Variants in ZC3H14 observed in about 807,000 individuals in gnomAD.
ZC3H14 encodes zinc finger CCCH domain-containing protein 14.
In ZC3H14, 31 loss-of-function variants were observed where a neutral mutation model predicts 92.4. The observed-to-expected ratio is 0.34, with a 90% CI of 0.25 to 0.45. The LOEUF (loss-of-function observed/expected upper bound fraction) is 0.45. ZC3H14 is among the 20% of genes least tolerant of loss of function. ZC3H14 has a pLI of 1.00. For synonymous variants in ZC3H14, 321 were observed against 300.9 expected, an observed-to-expected ratio of 1.07 and a Z score of -0.69; for missense variants, 781 against 897.3, an observed-to-expected ratio of 0.87 and a Z score of 1.66.
intron 9 of ZC3H14, among the ~76,000 whole-genome samples, chr14:88,579,587 A>G (rs962746565): frequency 3.9e-5 from 6 of 152,228 alleles, no homozygotes; most frequent in Non-Finnish European, 7.3e-5. Context: ...GAGAAAAGGA[A>G]AGAATGTCAG....
In ZC3H14 at chr14:88,616,067, G is replaced by A; in HGVS notation, c.*4316G>A. 1 of 1,495,990 alleles carries A rather than the reference G, an allele frequency of 6.7e-7. No homozygotes were observed. Among genetic ancestry groups the A allele is most frequent in the Non-Finnish European group, 9.3e-7 (1 of 1,074,994 alleles). The allele number at this position is 1,495,990 out of a possible 1,614,324, so 92.7% of individuals were successfully genotyped here. A position where few individuals can be genotyped will look rare whatever the true frequency, so the allele number is the denominator to read the frequency against. ...TGACTAGCTGATTTCATAAACCAAA[G>A]CTGTAGGAGTTGTTGTATTAAGTCT... is the stretch of plus-strand genomic sequence containing the variant. On this transcript the variant is annotated 3_prime_UTR_variant, in exon 17 of 17. Transcript: ENST00000251038.
At position 88,624,882 on chromosome 14, in the gene ZC3H14, G is replaced by A. The variant is rs965663639; in HGVS notation, c.*13131G>A. ...AGGAAGGTCGGAGAGGACACTCTGT[G>A]TAGCCTAGAAACAACTAGAATAATT... On this transcript the variant is annotated 3_prime_UTR_variant, in exon 17 of 17. Coordinates refer to ENST00000251038, the MANE Select transcript of ZC3H14 (RefSeq NM_024824.5). 9 of 1,467,456 alleles carry A rather than the reference G, an allele frequency of 6.1e-6. No individual in the cohort carries two copies. Among genetic ancestry groups the A allele is most frequent in the Non-Finnish European group, 8.3e-6 (9 of 1,083,068 alleles). 90.9% of individuals were successfully genotyped at this position (1,467,456 alleles called of 1,614,324 possible).
intron 5 of ZC3H14, 113 bp from the exon 6 acceptor site, chr14:88,572,465 A>G: frequency 1.5e-6 from 2 of 1,356,448 alleles, no homozygotes; most frequent in Non-Finnish European, 2.1e-6. Context: ...TGGAATATGT[A>G]AAGGGAGTAT....
Position 88,617,026 on chromosome 14 carries a change from C to G in ZC3H14, c.*5275C>G. ...AAATTATGGTAAGTTGTTTGGAGAC[C>G]TGAATTTCATCAGGATATCAACTCC... On this transcript the variant is annotated 3_prime_UTR_variant, in exon 17 of 17. Coordinates refer to ENST00000251038, the MANE Select transcript of ZC3H14 (RefSeq NM_024824.5). 1.6e-6 allele frequency: 1 copy of G among 606,872 alleles called. No homozygotes were observed. Among genetic ancestry groups the G allele is most frequent in the Admixed American group, 3.1e-5 (1 of 32,136 alleles). The allele number at this position is 606,872 out of a possible 1,614,324, so 37.6% of individuals were successfully genotyped here.
In ZC3H14 at chr14:88,616,330, A is replaced by C; in HGVS notation, c.*4579A>C. ...TAGGAACTATAATCTCTATGACAAG[A>C]GCTGTGGAGAGAGTAGGGAGTTAGC... On this transcript the variant is annotated 3_prime_UTR_variant, in exon 17 of 17. Transcript: ENST00000251038. 1 of 1,278,778 alleles carries C rather than the reference A, an allele frequency of 7.8e-7. No homozygotes were observed. Among genetic ancestry groups the C allele is most frequent in the South Asian group, 1.2e-5 (1 of 81,720 alleles). The allele number at this position is 1,278,778 out of a possible 1,614,324, so 79.2% of individuals were successfully genotyped here.
intron 2 of ZC3H14, 122 bp downstream of exon 2, chr14:88,563,815 A>G (rs982979542): frequency 3.2e-6 from 3 of 946,828 alleles, no homozygotes; most frequent in Non-Finnish European, 5.1e-6. Flanking sequence ...TACCTTCTTC[A>G]AATCTTATAC....
In ZC3H14 at chr14:88,618,053, G is replaced by T; in HGVS notation, c.*6302G>T. ...AAATCATGGAAACTGATAAAACATG[G>T]AAATATATTCAATAAAAAGGGGTCC... On this transcript the variant is annotated 3_prime_UTR_variant, in exon 17 of 17. Transcript: ENST00000251038. The T allele has an allele frequency of 2.4e-6, 1 of 421,462 alleles. No homozygotes were observed. Among genetic ancestry groups the T allele is most frequent in the Non-Finnish European group, 4.1e-6 (1 of 241,066 alleles). 26.1% of individuals were successfully genotyped at this position (421,462 alleles called of 1,614,324 possible). A position where few individuals can be genotyped will look rare whatever the true frequency, so the allele number is the denominator to read the frequency against.
intron 2 of ZC3H14, among the ~76,000 whole-genome samples, chr14:88,565,447 A>G (rs1473900398): frequency 2.6e-5 from 4 of 152,122 alleles, no homozygotes; most frequent in Admixed American, 1.3e-4. Flanking sequence ...GGCCAACTCA[A>G]TGGCGATATT....
intron 10 of ZC3H14, among the ~76,000 whole-genome samples, chr14:88,600,620 TA>T (rs1159148031): frequency 1.3e-5 from 2 of 152,100 alleles, no homozygotes; most frequent in Admixed American, 6.5e-5. Flanking sequence ...TTTATTTATT[TA>T]TTTATTTTCT....
At position 88,622,577 on chromosome 14, in the gene ZC3H14, A is replaced by ACTTT; in HGVS notation, c.*10828_*10829insTTCT. ...ATAACCACTTTCTGTTTTCTGCTGC[A>ACTTT]CTGTATCAGCTCATGGAACATCTTA... On this transcript the variant is annotated 3_prime_UTR_variant, in exon 17 of 17. Transcript: ENST00000251038. The ACTTT allele has an allele frequency of 6.5e-7, 1 of 1,529,520 alleles. No homozygotes were observed. Among genetic ancestry groups the ACTTT allele is most frequent in the Non-Finnish European group, 8.8e-7 (1 of 1,130,410 alleles). The allele number at this position is 1,529,520 out of a possible 1,614,324, so 94.7% of individuals were successfully genotyped here.
In ZC3H14 at chr14:88,572,714, C is replaced by T. The variant is rs1353891422; in HGVS notation, c.568C>T (p.Gln190Ter). 1 of 1,614,210 alleles carries T rather than the reference C, an allele frequency of 6.2e-7. No individual in the cohort carries two copies. The highest frequency in any genetic ancestry group is 8.5e-7 in the Non-Finnish European group (1 of 1,180,038). The change falls in exon 6 of 17, where the codon CAG (glutamine) becomes TAG (stop). Residue 190 changes from glutamine to a stop codon, truncating the protein, a stop_gained. Transcript: ENST00000251038. LOFTEE classifies it high-confidence loss of function. Reference protein sequence around the residue: ...DLIDEDLNFVQENPLSQKKPT... With the variant: ...DLIDEDLNFV ...CATTGACGAAGACCTCAACTTTGTG[C>T]AGGAGAATCCCTTATCTCAGAAAAA...
chr14:88,564,199 T>A (rs1328570371), intron 2 of ZC3H14, among the ~76,000 whole-genome samples: 1 of 152,250 alleles, frequency 6.6e-6, no homozygotes, highest in African/African-American at 2.4e-5. Flanking sequence ...TTCTGGCATT[T>A]GCTTCTGTAA....
rs1358683137 is a variant in ZC3H14 at position 88,617,150 on chromosome 14, CTTT to C, written c.*5410_*5412del. Reference sequence around the variant, plus strand: ...ATGAAAACTGATAGAACTATTTTTTCTTTTTTTTTTTTTGAGACGGAGTTTTCG... The same window carrying C: ...ATGAAAACTGATAGAACTATTTTTTCTTTTTTTTTTGAGACGGAGTTTTCG... On this transcript the variant is annotated 3_prime_UTR_variant, in exon 17 of 17. Transcript: ENST00000251038. 1.2e-4 allele frequency: 23 copies of C among 184,998 alleles called. No homozygotes were observed. Among genetic ancestry groups the C allele is most frequent in the South Asian group, 6.0e-4 (4 of 6,656 alleles). The allele number at this position is 184,998 out of a possible 1,614,324, so 11.5% of individuals were successfully genotyped here. A position where few individuals can be genotyped will look rare whatever the true frequency, so the allele number is the denominator to read the frequency against.
chr14:88,574,171 A>C (rs1469145011), intron 6 of ZC3H14: 1 of 154,078 alleles, frequency 6.5e-6, no homozygotes, highest in African/African-American at 2.4e-5. Flanking sequence ...GCTGTTGATA[A>C]AATAAATGTA....
At chr14:88,573,400 A>G (rs1200365300) in intron 6 of ZC3H14, among the ~76,000 whole-genome samples, 1 of 152,060 alleles carries the variant, frequency 6.6e-6, no homozygotes, top group Non-Finnish European at 1.5e-5. Context: ...GAAAAAACAA[A>G]AAACAAAAAA....
intron 9 of ZC3H14, chr14:88,595,206 G>C: frequency 6.5e-7 from 1 of 1,549,948 alleles, no homozygotes; most frequent in Middle Eastern, 2.4e-4. Context: ...GAGGGAGCAA[G>C]TTACAGAGAA....
chr14:88,592,996 T>C (rs2083349140), intron 9 of ZC3H14, among the ~76,000 whole-genome samples: 2 of 143,712 alleles, frequency 1.4e-5, no homozygotes, highest in Non-Finnish European at 3.0e-5. Context: ...TGAGATGGAG[T>C]CTCCCTCTGT....
At chr14:88,567,939 A>T (rs759094115) in intron 2 of ZC3H14, 100 bp from the exon 3 acceptor site, 8 of 949,378 alleles carry the variant, frequency 8.4e-6, no homozygotes, top group Non-Finnish European at 1.3e-5. Flanking sequence ...GAGCTCTGCG[A>T]CTCTAAAGCT....
chr14:88,612,295 T>C lies in ZC3H14; in HGVS notation c.*544T>C, dbSNP rs779187803. Reference sequence around the variant, plus strand: ...AGTGAATTTAGTTTGAAAAGCATGATTATACAGGCCTCTCAGGCTGAGTGC... The same window carrying C: ...AGTGAATTTAGTTTGAAAAGCATGACTATACAGGCCTCTCAGGCTGAGTGC... On this transcript the variant is annotated 3_prime_UTR_variant, in exon 17 of 17. Transcript: ENST00000251038. The C allele has an allele frequency of 6.3e-6, 1 of 158,094 alleles. No homozygotes were observed. Among genetic ancestry groups the C allele is most frequent in the Non-Finnish European group, 1.4e-5 (1 of 71,512 alleles). 9.8% of individuals were successfully genotyped at this position (158,094 alleles called of 1,614,324 possible).
Sources: gnomAD v4.1 joint callset for allele counts (sites outside exome capture counted in the v4.1 genomes callset) on GRCh38, gnomAD v4.1.1 for gene constraint, MANE v1.5 for transcripts, NCBI Gene and HGNC (gene_info 2026-07-23, HGNC 2026-07-21) for gene names.